The following HDAC9 variants were observed in gnomAD, a reference collection of about 807,000 sequenced individuals.
The protein encoded by HDAC9 is histone deacetylase 9.
In HDAC9, 41 loss-of-function variants were observed where a neutral mutation model predicts 139.4. That is an observed-to-expected ratio of 0.29 (90% CI 0.23 to 0.38). HDAC9 has a LOEUF of 0.38. Ranked by LOEUF, HDAC9 falls within the 10% of genes least tolerant of loss-of-function variation. The probability of loss-of-function intolerance (pLI) is 1.00; values close to 1 mark genes in which losing one functional copy is unlikely to be tolerated. For missense variants in HDAC9, 1,147 were observed against 1,297.0 expected, an observed-to-expected ratio of 0.88 and a Z score of 1.78; for synonymous variants, 517 against 476.2, an observed-to-expected ratio of 1.09 and a Z score of -1.12.
At chr7:18,867,009 A>C (rs1472865555) in intron 21 of HDAC9, among the ~76,000 whole-genome samples, 1 of 152,202 alleles carries the variant, frequency 6.6e-6, no homozygotes, top group Non-Finnish European at 1.5e-5. Flanking sequence ...TTTAAAGTGG[A>C]ATTCTTTTCT....
intron 2 of HDAC9, among the ~76,000 whole-genome samples, chr7:18,257,118 A>G (rs200240415): frequency 0.017 from 1,608 of 95,264 alleles, 20 homozygotes; most frequent in East Asian, 0.066. Flanking sequence ...GTGTGCATGT[A>G]TGTGTGTGTG....
Position 18,332,896 on chromosome 7 carries a change from G to C in HDAC9, c.-42+42381G>C, listed in dbSNP as rs141574698. Among the ~76,000 whole-genome samples the C allele has an allele frequency of 7.9e-4, 120 of 151,592 alleles. 1 individual carries two copies. Among genetic ancestry groups the C allele is most frequent in the Middle Eastern group, 3.4e-3 (1 of 294 alleles). The stretch of plus-strand genomic sequence containing the variant: ...TTCAGAAGTGCAGGAATCTTTGACA[G>C]AAATATTCTACTGTGAGGAAATAAA... On this transcript the variant is annotated intron_variant, in intron 1 of 3. Transcript: ENST00000413509.
intron 1 of HDAC9, among the ~76,000 whole-genome samples, chr7:18,319,915 A>G (rs1015362231): frequency 2.6e-5 from 4 of 152,150 alleles, no homozygotes; most frequent in African/African-American, 9.7e-5. Context: ...TCTTTTTCAC[A>G]TATAGAATCT....
chr7:18,429,034 C>T (rs1790387963), intron 1 of HDAC9: 1 of 152,178 alleles, frequency 6.6e-6, no homozygotes. Flanking sequence ...AATAGCAATC[C>T]TACCCACCTC....
intron 22 of HDAC9, among the ~76,000 whole-genome samples, chr7:18,886,505 T>C (rs921680514): frequency 1.3e-4 from 20 of 152,250 alleles, no homozygotes; most frequent in Non-Finnish European, 2.6e-4. Context: ...CTCTCACACT[T>C]GATGGTGTTT....
intron 1 of HDAC9, among the ~76,000 whole-genome samples, chr7:18,424,669 G>A (rs969133511): frequency 6.6e-6 from 1 of 152,156 alleles, no homozygotes; most frequent in African/African-American, 2.4e-5. Context: ...AACATTTTGG[G>A]TGGCTGAGGC....
chr7:18,712,024 G>A (rs1784382676), intron 12 of HDAC9, among the ~76,000 whole-genome samples: 1 of 151,686 alleles, frequency 6.6e-6, no homozygotes, highest in South Asian at 2.1e-4. Flanking sequence ...TGGATGTAGT[G>A]GGCCAGTGTG....
chr7:18,666,649 A>G, intron 12 of HDAC9, 173 bp downstream of exon 12: 2 of 1,410,894 alleles, frequency 1.4e-6, no homozygotes, highest in East Asian at 2.5e-5. Context: ...ATATCTATAT[A>G]GAGGTCTTTC....
chr7:18,339,727 TTATTC>T (rs1279619505), intron 1 of HDAC9, among the ~76,000 whole-genome samples: 1 of 151,496 alleles, frequency 6.6e-6, no homozygotes, highest in Non-Finnish European at 1.5e-5. Context: ...GATTTCTAAT[TTATTC>T]TACTGGGGAT....
At chr7:18,778,060 G>T (rs80259887) in intron 16 of HDAC9, among the ~76,000 whole-genome samples, 1,737 of 152,000 alleles carry the variant, frequency 0.011, 24 homozygotes, top group African/African-American at 0.04. Context: ...AGAATTAGTA[G>T]GCCATGGAGC....
chr7:18,850,972 TC>T (rs1797245401), intron 21 of HDAC9, among the ~76,000 whole-genome samples: 1 of 152,186 alleles, frequency 6.6e-6, no homozygotes, highest in African/African-American at 2.4e-5. Flanking sequence ...AGGCCCCACC[TC>T]CTAATATCCG....
Position 18,565,575 on chromosome 7 carries a change from G to T in HDAC9, c.23-19706G>T, listed in dbSNP as rs147764257. On this transcript the variant is annotated intron_variant, in intron 2 of 25. Transcript: ENST00000686413. ...AAGCCAAATTAGAGAGGGAGGAGGA[G>T]AAGAGTTCTTTAGCTGTTGAACAGG... is the stretch of plus-strand genomic sequence containing the variant. 1.3e-3 allele frequency among the ~76,000 whole-genome samples: 204 copies of T among 152,222 alleles called. 1 individual carries two copies. Among genetic ancestry groups the T allele is most frequent in the African/African-American group, 4.8e-3 (199 of 41,518 alleles).
chr7:18,455,153 A>C (rs1793229262), intron 1 of HDAC9, among the ~76,000 whole-genome samples: 1 of 152,186 alleles, frequency 6.6e-6, no homozygotes, highest in Non-Finnish European at 1.5e-5. Flanking sequence ...GTAGTAAAAA[A>C]GCCAGATATC....
At chr7:18,644,819 T>C in intron 9 of HDAC9, 26 bp downstream of exon 9, 3 of 1,598,880 alleles carry the variant, frequency 1.9e-6, no homozygotes, top group Non-Finnish European at 2.6e-6. Flanking sequence ...GCATCAGCCT[T>C]AATCAACCTA....
chr7:18,814,778 T>C (rs12699985), intron 17 of HDAC9, among the ~76,000 whole-genome samples: 42,888 of 152,130 alleles, frequency 0.28, 6,363 homozygotes, highest in African/African-American at 0.33. Flanking sequence ...GTGTATAGCC[T>C]TGGAAAATTA....
intron 23 of HDAC9, among the ~76,000 whole-genome samples, chr7:18,953,292 CA>C (rs892930834): frequency 1.1e-4 from 16 of 152,074 alleles, no homozygotes; most frequent in African/African-American, 3.9e-4. Context: ...TTTTGGGTCA[CA>C]ATAGCTGGAC....
chr7:18,765,949 C>G (rs1364849123), intron 15 of HDAC9, among the ~76,000 whole-genome samples: 1 of 151,942 alleles, frequency 6.6e-6, no homozygotes, highest in Non-Finnish European at 1.5e-5. Context: ...ATATATTTTT[C>G]TTTATCATCT....
intron 1 of HDAC9, among the ~76,000 whole-genome samples, chr7:18,450,903 G>A (rs554470513): frequency 3.9e-5 from 6 of 152,274 alleles, no homozygotes; most frequent in African/African-American, 1.4e-4. Flanking sequence ...GGGTGAAAGT[G>A]TCAAAGGGAA....
At chr7:18,541,634 A>G (rs1358111215) in intron 2 of HDAC9, among the ~76,000 whole-genome samples, 1 of 152,200 alleles carries the variant, frequency 6.6e-6, no homozygotes, top group East Asian at 1.9e-4. Flanking sequence ...AATTTTGTTT[A>G]GAAATATTTT....
Sources: allele counts gnomAD v4.1 joint callset (sites outside exome capture counted in the v4.1 genomes callset), GRCh38; gene constraint gnomAD v4.1.1; transcripts MANE v1.5; gene names NCBI Gene and HGNC (gene_info 2026-07-23, HGNC 2026-07-21).